The following CRACD variants were observed in gnomAD, a reference collection of about 807,000 sequenced individuals.
CRACD encodes the protein capping protein-inhibiting regulator of actin dynamics.
Under a neutral mutation model 106.8 loss-of-function variants are expected in CRACD, and 56 were observed. That is an observed-to-expected ratio of 0.52 (90% confidence interval 0.42 to 0.66). The LOEUF is 0.66. Among genes scored for constraint, CRACD ranks in the 30% least tolerant of loss-of-function variants. The pLI, the probability that CRACD is intolerant of heterozygous loss-of-function variation, is 0.00. For synonymous variants in CRACD, 754 were observed against 670.8 expected (o/e 1.12, Z -1.92); for missense variants, 1,730 against 1,623.2 (o/e 1.07, Z -1.13).
chr4:56,070,458 T>TGC, intron 1 of CRACD, among the ~76,000 whole-genome samples: 1 of 152,284 alleles, frequency 6.6e-6, no homozygotes, highest in Admixed American at 6.5e-5. Flanking sequence ...CGCCATCGCA[T>TGC]CCGGCTAATT....
chr4:56,323,303 T>G, intron 8 of CRACD, 74 bp from the exon 9 acceptor site: 2 of 1,331,466 alleles, frequency 1.5e-6, no homozygotes, highest in Non-Finnish European at 2.1e-6. Flanking sequence ...TGTCACAAGT[T>G]TTAGGGGGTG....
chr4:56,173,243 G>C (rs761993544), intron 1 of CRACD, among the ~76,000 whole-genome samples: 2 of 152,198 alleles, frequency 1.3e-5, no homozygotes, highest in Non-Finnish European at 2.9e-5. Flanking sequence ...ACTGAGGATC[G>C]CATTGCTCTT....
chr4:56,105,999 G>A (rs963913718), intron 1 of CRACD, among the ~76,000 whole-genome samples: 12 of 150,406 alleles, frequency 8.0e-5, no homozygotes, highest in South Asian at 6.3e-4. Context: ...CTCTGTCTCC[G>A]TTAAAACCTG....
At chr4:56,321,864 G>A (rs1401450815) in intron 8 of CRACD, among the ~76,000 whole-genome samples, 1 of 152,134 alleles carries the variant, frequency 6.6e-6, no homozygotes, top group African/African-American at 2.4e-5. Flanking sequence ...GTACAGCATT[G>A]TAGATCTAAA....
intron 2 of CRACD, among the ~76,000 whole-genome samples, chr4:56,184,992 A>T (rs1332701675): frequency 1.3e-5 from 2 of 152,094 alleles, no homozygotes; most frequent in African/African-American, 4.8e-5. Context: ...AGTCTTGCTC[A>T]GTCGCCCAGG....
rs768072068 is a variant in CRACD at position 56,314,744 on chromosome 4, C to T, written c.1242C>T (p.Asp414=). ...EEEEGQAHLE[D]WRGQLSELLN... ...AGGAGGGCCAGGCGCACCTGGAGGA[C>T]TGGAGGGGGCAGCTCAGTGAGCTTC... The change falls in exon 8 of 11, where the codon GAC becomes GAT. Residue 414 remains aspartate (D), a synonymous_variant. Transcript: ENST00000682029. This position sits in a 1 kb window ranked among gnomAD's most constrained non-coding sequence, Gnocchi z 4.4. 44 of 1,583,158 alleles carry T rather than the reference C, an allele frequency of 2.8e-5. No homozygotes were observed. Among genetic ancestry groups the T allele is most frequent in the South Asian group, 4.6e-5 (4 of 86,556 alleles).
At chr4:56,196,624 G>A (rs1438365517) in intron 2 of CRACD, among the ~76,000 whole-genome samples, 2 of 152,094 alleles carry the variant, frequency 1.3e-5, no homozygotes, top group African/African-American at 2.4e-5. Flanking sequence ...GATGCCATCC[G>A]TCCTCTGCAC....
chr4:56,156,727 C>A (rs1735774593), intron 1 of CRACD, among the ~76,000 whole-genome samples: 1 of 152,168 alleles, frequency 6.6e-6, no homozygotes, highest in South Asian at 2.1e-4. Context: ...GAGTTTAAAT[C>A]TCTGTTCTAC....
At chr4:56,160,959 A>C (rs1735930447) in intron 1 of CRACD, among the ~76,000 whole-genome samples, 1 of 152,242 alleles carries the variant, frequency 6.6e-6, no homozygotes, top group Admixed American at 6.5e-5. Context: ...AGGAAGATGC[A>C]GAAGAAGATA....
At chr4:56,243,919 A>C (rs151269195) in intron 2 of CRACD, among the ~76,000 whole-genome samples, 1 of 152,150 alleles carries the variant, frequency 6.6e-6, no homozygotes, top group East Asian at 1.9e-4. Flanking sequence ...CTCTCCCTCA[A>C]AGCCCCTTAC....
intron 3 of CRACD, among the ~76,000 whole-genome samples, chr4:56,284,198 A>G (rs1412370230): frequency 6.7e-6 from 1 of 149,548 alleles, no homozygotes; most frequent in Admixed American, 6.7e-5. Flanking sequence ...TCATACCTGT[A>G]ATACCAGCAC....
intron 4 of CRACD, among the ~76,000 whole-genome samples, chr4:56,299,691 T>C (rs1418509377): frequency 6.6e-6 from 1 of 151,562 alleles, no homozygotes; most frequent in East Asian, 1.9e-4. Context: ...AAAATTCGCT[T>C]ACCCAAGAGA....
At chr4:56,269,488 C>T (rs561094489) in intron 2 of CRACD, among the ~76,000 whole-genome samples, 2 of 151,406 alleles carry the variant, frequency 1.3e-5, no homozygotes, top group African/African-American at 4.9e-5. Context: ...GAGAGCTCTA[C>T]AGGGCTGAAA....
At chr4:56,234,088 C>T (rs1046578950) in intron 2 of CRACD, among the ~76,000 whole-genome samples, 2 of 151,956 alleles carry the variant, frequency 1.3e-5, no homozygotes, top group African/African-American at 4.8e-5. Flanking sequence ...TTAATAATAG[C>T]TTTATTGAGA....
At chr4:56,122,797 G>C (rs1266864496) in intron 1 of CRACD, among the ~76,000 whole-genome samples, 2 of 152,208 alleles carry the variant, frequency 1.3e-5, no homozygotes, top group Non-Finnish European at 2.9e-5. Flanking sequence ...CCCTACTCAT[G>C]GTAGTGTGAC....
chr4:56,074,622 T>G (rs1732773369), intron 1 of CRACD, among the ~76,000 whole-genome samples: 1 of 152,232 alleles, frequency 6.6e-6, no homozygotes, highest in Non-Finnish European at 1.5e-5. Context: ...TACAATCATG[T>G]CATCTGTAAA....
chr4:56,191,446 C>T (rs77282969), intron 2 of CRACD, among the ~76,000 whole-genome samples: 1,789 of 151,816 alleles, frequency 0.012, 28 homozygotes, highest in African/African-American at 0.04. Flanking sequence ...TCTGTGACCT[C>T]TGCTTCTACC....
chr4:56,303,339 C>G (rs949913234), intron 4 of CRACD, among the ~76,000 whole-genome samples: 13 of 149,144 alleles, frequency 8.7e-5, no homozygotes, highest in Admixed American at 2.7e-4. Flanking sequence ...GAGCGAGACT[C>G]CTTTGTAGGA....
chr4:56,089,404 T>C (rs1733340606), intron 1 of CRACD, among the ~76,000 whole-genome samples: 1 of 152,184 alleles, frequency 6.6e-6, no homozygotes, highest in East Asian at 1.9e-4. Flanking sequence ...TGATAGAGTG[T>C]CTACTGTTAA....
Sources: gnomAD v4.1 joint callset for allele counts (sites outside exome capture counted in the v4.1 genomes callset) on GRCh38, gnomAD v4.1.1 for gene constraint, Gnocchi (gnomAD v3.1) non-coding constraint, MANE v1.5 for transcripts, NCBI Gene and HGNC (gene_info 2026-07-23, HGNC 2026-07-21) for gene names.